Variants in AGBL4 observed in about 807,000 individuals in gnomAD.
AGBL4 encodes cytosolic carboxypeptidase 6.
AGBL4 carries 58 observed loss-of-function variants against 66.4 expected under a neutral mutation model. The ratio of observed to expected loss-of-function variants is 0.87; its 90% CI spans 0.71 to 1.09. The LOEUF (loss-of-function observed/expected upper bound fraction) is 1.09. Ranked by LOEUF, AGBL4 falls within the 50% of genes least tolerant of loss-of-function variation. The probability of loss-of-function intolerance (pLI) is 0.00; values close to 1 mark genes in which losing one functional copy is unlikely to be tolerated. For missense variants in AGBL4, 579 were observed against 631.0 expected (o/e 0.92, Z 0.88); for synonymous variants, 234 against 222.9 (o/e 1.05, Z -0.44).
intron 1 of AGBL4, among the ~76,000 whole-genome samples, chr1:49,950,333 T>C (rs1447707208): frequency 6.6e-6 from 1 of 151,102 alleles, no homozygotes; most frequent in Non-Finnish European, 1.5e-5. Context: ...ATCTCACTCA[T>C]AATTGGGAGC....
intron 7 of AGBL4, among the ~76,000 whole-genome samples, chr1:48,653,675 C>T (rs768533510): frequency 6.6e-6 from 1 of 152,062 alleles, no homozygotes; most frequent in Non-Finnish European, 1.5e-5. Flanking sequence ...CATTGAAGCC[C>T]ATGGGCAGGA....
intron 5 of AGBL4, among the ~76,000 whole-genome samples, chr1:48,936,190 G>A (rs1457799735): frequency 6.6e-6 from 1 of 151,716 alleles, no homozygotes; most frequent in Non-Finnish European, 1.5e-5. Flanking sequence ...CTTGGGAGGC[G>A]GAGGTAGGAG....
chr1:49,962,455 A>G lies in AGBL4; in HGVS notation c.34+61308T>C, dbSNP rs1657198318. On this transcript the variant is annotated intron_variant, in intron 1 of 13. Transcript: ENST00000371839. ...AAATTGATTCTAATGGCATCATTTCATCAACTGCTTCATGATAAATTACTT... is the reference window on the plus strand; with the variant it reads ...AAATTGATTCTAATGGCATCATTTCGTCAACTGCTTCATGATAAATTACTT... Among the ~76,000 whole-genome samples the G allele has an allele frequency of 2.0e-5, 3 of 152,140 alleles. No individual in the cohort carries two copies. The South Asian group carries it at 6.2e-4, about 31-fold the overall frequency.
chr1:49,124,970 C>T, intron 4 of AGBL4, among the ~76,000 whole-genome samples: 1 of 152,118 alleles, frequency 6.6e-6, no homozygotes. Context: ...TGAATTAGCC[C>T]ACAGGACCCC....
rs1375796601 is a variant in AGBL4 at position 48,776,903 on chromosome 1, G to C, written c.634+90288C>G. ...GCGGGCGCGGAGGTGGGGATCCGGC[G>C]GGGGGCGCGAGTCTCGCTACGGTGC... is the stretch of plus-strand genomic sequence containing the variant. On this transcript the variant is annotated intron_variant, in intron 6 of 13. Transcript: ENST00000371839. 10 of 969,484 alleles carry C rather than the reference G, an allele frequency of 1.0e-5. 1 individual carries two copies. The South Asian group carries it at 1.8e-4, about 17-fold the overall frequency. The allele number at this position is 969,484 out of a possible 1,614,324, so 60.1% of individuals were successfully genotyped here.
At chr1:49,104,094 C>T (rs769714042) in intron 4 of AGBL4, among the ~76,000 whole-genome samples, 1 of 152,112 alleles carries the variant, frequency 6.6e-6, no homozygotes, top group Non-Finnish European at 1.5e-5. Flanking sequence ...ATCCTGATCT[C>T]GCCAACCTCT....
intron 1 of AGBL4, among the ~76,000 whole-genome samples, chr1:49,857,229 C>T (rs961109746): frequency 3.3e-5 from 5 of 151,928 alleles, no homozygotes; most frequent in Non-Finnish European, 5.9e-5. Flanking sequence ...AAATAAAACA[C>T]GAACAAATAA....
chr1:49,343,074 T>C (rs1432132799), intron 3 of AGBL4, among the ~76,000 whole-genome samples: 3 of 152,126 alleles, frequency 2.0e-5, no homozygotes, highest in Non-Finnish European at 2.9e-5. Flanking sequence ...TTTTTTTTTC[T>C]TTTTGGGTCT....
intron 5 of AGBL4, among the ~76,000 whole-genome samples, chr1:48,876,921 G>A (rs557814798): frequency 4.9e-4 from 74 of 152,292 alleles, no homozygotes; most frequent in South Asian, 1.0e-3. Flanking sequence ...TGATACTTCA[G>A]TGCTATGATT....
chr1:49,638,802 A>C (rs1307689759), intron 3 of AGBL4, among the ~76,000 whole-genome samples: 1 of 152,204 alleles, frequency 6.6e-6, no homozygotes, highest in Non-Finnish European at 1.5e-5. Flanking sequence ...GAAATTACCC[A>C]GTCTTAGGTA....
At chr1:50,007,315 A>T (rs1358293210) in intron 1 of AGBL4, among the ~76,000 whole-genome samples, 2 of 152,180 alleles carry the variant, frequency 1.3e-5, no homozygotes, top group Non-Finnish European at 2.9e-5. Flanking sequence ...AAGAAAGAAG[A>T]CCACAAAACA....
chr1:49,256,341 C>T (rs976729601), intron 3 of AGBL4, among the ~76,000 whole-genome samples: 1 of 151,962 alleles, frequency 6.6e-6, no homozygotes, highest in Admixed American at 6.6e-5. Context: ...TTCAAAAAGG[C>T]ATTTATTGAT....
intron 5 of AGBL4, among the ~76,000 whole-genome samples, chr1:48,890,553 A>ATTCT (rs1380011410): frequency 6.6e-6 from 1 of 152,140 alleles, no homozygotes; most frequent in African/African-American, 2.4e-5. Flanking sequence ...GGCAGTCAGA[A>ATTCT]GCTCCTTGGA....
intron 11 of AGBL4, among the ~76,000 whole-genome samples, chr1:48,571,520 G>A (rs1644563127): frequency 6.6e-6 from 1 of 152,216 alleles, no homozygotes; most frequent in African/African-American, 2.4e-5. Flanking sequence ...CACTATGAGA[G>A]GCATCCTCAT....
intron 12 of AGBL4, among the ~76,000 whole-genome samples, chr1:48,536,279 A>G (rs1349261786): frequency 1.3e-5 from 2 of 152,194 alleles, no homozygotes; most frequent in Non-Finnish European, 2.9e-5. Context: ...GCTGAAGCAT[A>G]GGGCACGAGG....
chr1:49,081,898 C>A (rs573803634), intron 4 of AGBL4, among the ~76,000 whole-genome samples: 2 of 152,106 alleles, frequency 1.3e-5, no homozygotes, highest in Non-Finnish European at 2.9e-5. Flanking sequence ...ACCTTTTCCA[C>A]GTGTTTGGCA....
intron 4 of AGBL4, among the ~76,000 whole-genome samples, chr1:49,110,716 AC>A (rs778545057): frequency 6.6e-6 from 1 of 151,900 alleles, no homozygotes; most frequent in Non-Finnish European, 1.5e-5. Flanking sequence ...AACAACCTTG[AC>A]CCCGTGACTC....
chr1:48,607,741 T>C (rs1190616750), intron 9 of AGBL4, among the ~76,000 whole-genome samples: 1 of 151,994 alleles, frequency 6.6e-6, no homozygotes, highest in Non-Finnish European at 1.5e-5. Flanking sequence ...CACAAACACA[T>C]CTACTTTTAT....
intron 8 of AGBL4, among the ~76,000 whole-genome samples, chr1:48,648,098 T>C (rs1645867403): frequency 6.6e-6 from 1 of 152,176 alleles, no homozygotes; most frequent in African/African-American, 2.4e-5. Flanking sequence ...CATTTTTAAG[T>C]GTAGGGTTTG....
Sources: allele counts gnomAD v4.1 joint callset (sites outside exome capture counted in the v4.1 genomes callset), GRCh38; gene constraint gnomAD v4.1.1; transcripts MANE v1.5; gene names NCBI Gene and HGNC (gene_info 2026-07-23, HGNC 2026-07-21).